The following C12orf50 variants were observed in gnomAD, a reference collection of about 807,000 sequenced individuals.
C12orf50 encodes the protein uncharacterized protein C12orf50.
A neutral mutation model predicts 61.6 loss-of-function variants in C12orf50; 35 were observed. That is an observed-to-expected ratio of 0.57 (90% CI 0.43 to 0.75). The LOEUF (loss-of-function observed/expected upper bound fraction) is 0.75, where lower values mean the gene tolerates loss of function less well. Among genes scored for constraint, C12orf50 ranks in the 30% least tolerant of loss-of-function variants. The pLI is 0.00. For synonymous variants in C12orf50, 178 were observed against 161.5 expected (o/e 1.10, Z -0.77); for missense variants, 475 against 488.5 (o/e 0.97, Z 0.26).
At chr12:87,996,147 A>G (rs78674906) in intron 6 of C12orf50, among the ~76,000 whole-genome samples, 7,568 of 152,264 alleles carry the variant, frequency 0.05, 600 homozygotes, top group African/African-American at 0.17. Flanking sequence ...TGGAGTGTGT[A>G]GTGTCATTAC....
chr12:88,021,644 A>G (rs1271075638), intron 3 of C12orf50, among the ~76,000 whole-genome samples: 1 of 152,222 alleles, frequency 6.6e-6, no homozygotes, highest in Non-Finnish European at 1.5e-5. Context: ...TTTCAAAAAA[A>G]AAAGACAAAA....
At chr12:88,009,986 C>T (rs2032035084) in intron 3 of C12orf50, among the ~76,000 whole-genome samples, 1 of 151,930 alleles carries the variant, frequency 6.6e-6, no homozygotes, top group Admixed American at 6.6e-5. Context: ...TGATTTGTAT[C>T]TATTGTGTGA....
chr12:88,029,114 C>T, intron 1 of C12orf50: 1 of 1,284,932 alleles, frequency 7.8e-7, no homozygotes, highest in Non-Finnish European at 1.0e-6. Context: ...TTCCCAACTT[C>T]TGCCATTTTC....
intron 1 of C12orf50, among the ~76,000 whole-genome samples, chr12:88,028,230 C>T (rs948743115): frequency 4.6e-5 from 7 of 152,224 alleles, no homozygotes; most frequent in South Asian, 2.1e-4. Context: ...ACTCTGCCCA[C>T]CTGGGACATG....
chr12:88,029,226 A>C (rs867023760), intron 1 of C12orf50, 114 bp downstream of exon 1: 1 of 627,780 alleles, frequency 1.6e-6, no homozygotes, highest in Middle Eastern at 3.4e-4. Flanking sequence ...GGGGAAAAAT[A>C]ATTTCTTTTC....
chr12:88,015,464 C>T (rs757941959), intron 3 of C12orf50, among the ~76,000 whole-genome samples: 3 of 152,198 alleles, frequency 2.0e-5, no homozygotes, highest in Non-Finnish European at 2.9e-5. Flanking sequence ...TGATCCTATT[C>T]AATTGTTCAT....
intron 7 of C12orf50, among the ~76,000 whole-genome samples, chr12:87,989,598 A>T (rs2031023518): frequency 6.6e-6 from 1 of 152,114 alleles, no homozygotes; most frequent in South Asian, 2.1e-4. Context: ...GATAATTGCA[A>T]GAAAATTCAG....
At position 88,013,688 on chromosome 12, in the gene C12orf50, G is replaced by C. The variant is rs182725437; in HGVS notation, c.133+12800C>G. Among the ~76,000 whole-genome samples the C allele has an allele frequency of 3.9e-5, 6 of 152,344 alleles. No individual in the cohort carries two copies. The East Asian group carries it at 1.2e-3, about 29-fold the overall frequency. ...AGTAAATGTGACAAAATGTTAATTG[G>C]TGAAGATAGGTGAAGAATACATGGA... On this transcript the variant is annotated intron_variant, in intron 3 of 12. Transcript: ENST00000298699.
chr12:87,999,189 C>G (rs887933370), intron 3 of C12orf50, among the ~76,000 whole-genome samples: 2 of 152,106 alleles, frequency 1.3e-5, no homozygotes, highest in African/African-American at 2.4e-5. Context: ...AAGAAACACT[C>G]AGAACCCCAA....
At chr12:88,004,114 T>C (rs2031759833) in intron 3 of C12orf50, among the ~76,000 whole-genome samples, 1 of 151,434 alleles carries the variant, frequency 6.6e-6, no homozygotes, top group African/African-American at 2.5e-5. Context: ...GTTAGGGTTT[T>C]TTCGTAGTTT....
At chr12:88,029,534 T>C (rs2032825376), upstream of C12orf50, 1 of 152,274 alleles carries the variant, frequency 6.6e-6, no homozygotes, top group Admixed American at 6.5e-5. Flanking sequence ...TACTCAGTTT[T>C]AGCATATTAA....
At chr12:88,005,069 G>A (rs952629790) in intron 3 of C12orf50, among the ~76,000 whole-genome samples, 9 of 152,078 alleles carry the variant, frequency 5.9e-5, no homozygotes, top group Non-Finnish European at 1.5e-5. Context: ...TCAATGCATA[G>A]TTGAACATCA....
intron 3 of C12orf50, among the ~76,000 whole-genome samples, chr12:88,007,196 C>T (rs987533876): frequency 6.6e-6 from 1 of 152,084 alleles, no homozygotes; most frequent in African/African-American, 2.4e-5. Context: ...CCCATAGATA[C>T]AATTTTCAAA....
intron 3 of C12orf50, among the ~76,000 whole-genome samples, chr12:88,000,494 T>G (rs150147068): frequency 3.9e-5 from 6 of 152,094 alleles, no homozygotes; most frequent in Middle Eastern, 3.4e-3. Context: ...AAATTTGGTT[T>G]CCATTTTCCT....
intron 3 of C12orf50, among the ~76,000 whole-genome samples, chr12:88,022,033 A>G (rs920385137): frequency 4.6e-5 from 7 of 152,024 alleles, no homozygotes; most frequent in African/African-American, 1.7e-4. Flanking sequence ...GGCAGAAAGA[A>G]AACCAAAAAA....
intron 3 of C12orf50, among the ~76,000 whole-genome samples, chr12:88,007,637 A>G (rs12368863): frequency 0.094 from 14,281 of 152,284 alleles, 773 homozygotes; most frequent in African/African-American, 0.13. Context: ...TCTTTTATGA[A>G]GGCCTTAATC....
At chr12:88,003,598 T>C (rs1450202106) in intron 3 of C12orf50, among the ~76,000 whole-genome samples, 2 of 152,116 alleles carry the variant, frequency 1.3e-5, no homozygotes, top group Non-Finnish European at 2.9e-5. Context: ...ACAAAGATTC[T>C]CGATTGCCAC....
At chr12:88,019,494 A>T (rs1166916967) in intron 3 of C12orf50, among the ~76,000 whole-genome samples, 1 of 152,190 alleles carries the variant, frequency 6.6e-6, no homozygotes, top group East Asian at 1.9e-4. Flanking sequence ...GCAGACTAAT[A>T]TAGTGTGGTA....
chr12:88,004,075 T>C (rs1422394812), intron 3 of C12orf50, among the ~76,000 whole-genome samples: 1 of 152,126 alleles, frequency 6.6e-6, no homozygotes, highest in Non-Finnish European at 1.5e-5. Flanking sequence ...ATTTCAGATA[T>C]TGTGTGTTCA....
Sources: gnomAD v4.1 joint callset for allele counts (sites outside exome capture counted in the v4.1 genomes callset) on GRCh38, gnomAD v4.1.1 for gene constraint, MANE v1.5 for transcripts, NCBI Gene and HGNC (gene_info 2026-07-23, HGNC 2026-07-21) for gene names.